ADAM18: variants seen among roughly 807,000 people sequenced by gnomAD.
The protein encoded by ADAM18 is ADAM metallopeptidase domain 18, also known as disintegrin and metalloproteinase domain-containing protein 18.
ADAM18 carries 117 observed loss-of-function variants against 94.4 expected under a neutral mutation model. The observed-to-expected ratio is 1.24, with a 90% confidence interval of 1.07 to 1.45. The LOEUF (loss-of-function observed/expected upper bound fraction) is 1.45. ADAM18 is among the 40% of genes most tolerant of loss of function. The pLI is 0.00. For synonymous variants in ADAM18, 327 were observed against 291.6 expected, an observed-to-expected ratio of 1.12 and a Z score of -1.24; for missense variants, 936 against 880.0, an observed-to-expected ratio of 1.06 and a Z score of -0.81.
chr8:39,606,719 G>T (rs558206981), intron 3 of ADAM18, among the ~76,000 whole-genome samples: 1 of 152,226 alleles, frequency 6.6e-6, no homozygotes, highest in Admixed American at 6.5e-5. Context: ...CACCAAACAG[G>T]CTTTGTGTGA....
intron 17 of ADAM18, among the ~76,000 whole-genome samples, chr8:39,704,292 G>A (rs77103591): frequency 1.3e-5 from 2 of 151,932 alleles, no homozygotes; most frequent in African/African-American, 2.4e-5. Context: ...CATGAACATC[G>A]ATGCAAAAAT....
intron 13 of ADAM18, among the ~76,000 whole-genome samples, chr8:39,666,759 C>T (rs1264064962): frequency 6.6e-6 from 1 of 152,082 alleles, no homozygotes; most frequent in Non-Finnish European, 1.5e-5. Context: ...AGACCTGCCC[C>T]CTGATTGAAT....
intron 7 of ADAM18, among the ~76,000 whole-genome samples, chr8:39,631,623 T>C (rs1044317733): frequency 6.6e-6 from 1 of 152,036 alleles, no homozygotes; most frequent in Non-Finnish European, 1.5e-5. Flanking sequence ...TTGTCCTTTT[T>C]CTAATCTTAA....
rs997715182 is a variant in ADAM18, at chr8:39,589,035, G to T, written c.132+3683G>T. 9.2e-5 allele frequency among the ~76,000 whole-genome samples: 14 copies of T among 152,196 alleles called. No individual in the cohort carries two copies. The Middle Eastern group carries it at 0.017, about 185-fold the overall frequency. The stretch of plus-strand genomic sequence containing the variant: ...CAGCCATTCATGCTAGCCCAATAAG[G>T]GCATATTCAATCTTTCTGTTTTTTT... On this transcript the variant is annotated intron_variant, in intron 2 of 19. Transcript: ENST00000265707.
chr8:39,680,247 A>G (rs1821418004), intron 16 of ADAM18, 21 bp downstream of exon 16: 1 of 1,600,338 alleles, frequency 6.2e-7, no homozygotes, highest in South Asian at 1.1e-5. Flanking sequence ...GTGATAATTT[A>G]TATTCAGCTG....
At chr8:39,607,810 C>G (rs1819136849) in intron 3 of ADAM18, among the ~76,000 whole-genome samples, 1 of 137,284 alleles carries the variant, frequency 7.3e-6, no homozygotes, top group Non-Finnish European at 1.6e-5. Context: ...TTTCTGCATT[C>G]TGGTTTTTTT....
At chr8:39,593,428 G>A (rs910050074) in intron 2 of ADAM18, among the ~76,000 whole-genome samples, 5 of 151,900 alleles carry the variant, frequency 3.3e-5, no homozygotes, top group Non-Finnish European at 5.9e-5. Flanking sequence ...AAATAACCTC[G>A]AGTAGCCAAA....
chr8:39,592,208 A>G (rs2129458050), intron 2 of ADAM18, among the ~76,000 whole-genome samples: 1 of 152,308 alleles, frequency 6.6e-6, no homozygotes, highest in South Asian at 2.1e-4. Context: ...ACCAGCTGTA[A>G]TAAGCATTAA....
intron 12 of ADAM18, among the ~76,000 whole-genome samples, chr8:39,654,121 A>C (rs553240625): frequency 6.7e-6 from 1 of 148,920 alleles, no homozygotes; most frequent in South Asian, 2.2e-4. Context: ...CTCCAGTTAC[A>C]TCCATGTTGC....
intron 6 of ADAM18, among the ~76,000 whole-genome samples, chr8:39,625,459 G>A (rs1055558961): frequency 6.6e-6 from 1 of 151,966 alleles, no homozygotes; most frequent in African/African-American, 2.4e-5. Flanking sequence ...GGTTTTTTAG[G>A]TATATGATTA....
rs1242340758 is a variant in ADAM18, at chr8:39,692,600, T to C, written c.1822T>C (p.Tyr608His). 1 of 1,596,998 alleles carries C rather than the reference T, an allele frequency of 6.3e-7. No individual in the cohort carries two copies. Among genetic ancestry groups the C allele is most frequent in the Non-Finnish European group, 8.5e-7 (1 of 1,170,430 alleles). Reference protein sequence around the residue: ...ADGTMCGPEMYCVNKTCRKVH... With the variant: ...ADGTMCGPEMHCVNKTCRKVH... ...AAAATTTTTGTTTGTTTTGTTTTAGTACTGTGTAAATAAAACCTGCAGAAA... is the reference window on the plus strand; with the variant it reads ...AAAATTTTTGTTTGTTTTGTTTTAGCACTGTGTAAATAAAACCTGCAGAAA... Residue 608 changes from tyrosine (Y) to histidine (H), a missense_variant and splice_region_variant, in exon 17 of 20, where the codon TAC becomes CAC. Physicochemically the swap from Tyr to His is moderately conservative, Grantham distance 83 (BLOSUM62 2). Transcript: ENST00000265707.
chr8:39,643,804 T>C (rs1369643666), intron 10 of ADAM18, among the ~76,000 whole-genome samples: 2 of 151,250 alleles, frequency 1.3e-5, no homozygotes, highest in Non-Finnish European at 2.9e-5. Context: ...TTTATAAGAG[T>C]GCCATTTATG....
At chr8:39,675,214 T>C (rs895860711) in intron 14 of ADAM18, among the ~76,000 whole-genome samples, 1 of 152,196 alleles carries the variant, frequency 6.6e-6, no homozygotes, top group East Asian at 1.9e-4. Flanking sequence ...TGCTGAAGAG[T>C]GTTTTCCAAC....
chr8:39,641,747 A>C (rs1820243700), intron 10 of ADAM18, among the ~76,000 whole-genome samples: 1 of 152,056 alleles, frequency 6.6e-6, no homozygotes. Context: ...AGTATTTAGA[A>C]TGATTTATAT....
intron 18 of ADAM18, among the ~76,000 whole-genome samples, chr8:39,714,571 GA>G (rs1490860144): frequency 3.3e-5 from 5 of 152,180 alleles, no homozygotes; most frequent in Middle Eastern, 6.8e-3. Context: ...AAAAATTGGA[GA>G]AAGATCTTTG....
At chr8:39,606,656 T>C (rs1819095869) in intron 3 of ADAM18, among the ~76,000 whole-genome samples, 1 of 152,154 alleles carries the variant, frequency 6.6e-6, no homozygotes, top group South Asian at 2.1e-4. Context: ...ATATTAAGTA[T>C]ATCTGGTGTG....
intron 7 of ADAM18, among the ~76,000 whole-genome samples, chr8:39,631,999 T>C (rs1819942891): frequency 6.6e-6 from 1 of 152,060 alleles, no homozygotes; most frequent in African/African-American, 2.4e-5. Flanking sequence ...ACACAATTTA[T>C]CTTATATCCT....
At position 39,637,257 on chromosome 8, in the gene ADAM18, T is replaced by C. The variant is rs771276110; in HGVS notation, c.589-7T>C. ...TACTTTCATGAAAAATAAAATTTCT[T>C]TTTCAGTATGATTATATGGGATCTG... is the stretch of plus-strand genomic sequence containing the variant. On this transcript the variant is annotated splice_region_variant and splice_polypyrimidine_tract_variant and intron_variant, in intron 7 of 19. Coordinates refer to ENST00000265707, the MANE Select transcript of ADAM18 (RefSeq NM_014237.3). The C allele has an allele frequency of 1.3e-6, 2 of 1,573,400 alleles. No homozygotes were observed. The highest frequency in any genetic ancestry group is 8.6e-7 in the Non-Finnish European group (1 of 1,159,426).
chr8:39,722,936 A>G (rs2129581837), intron 18 of ADAM18, among the ~76,000 whole-genome samples: 1 of 151,678 alleles, frequency 6.6e-6, no homozygotes, highest in South Asian at 2.1e-4. Flanking sequence ...TGTTATATAC[A>G]TCAATAAATT....
Sources: allele counts gnomAD v4.1 joint callset (sites outside exome capture counted in the v4.1 genomes callset), GRCh38; gene constraint gnomAD v4.1.1; transcripts MANE v1.5; gene names NCBI Gene and HGNC (gene_info 2026-07-23, HGNC 2026-07-21).